ENTPD5: variants seen among roughly 807,000 people sequenced by gnomAD.
ENTPD5 encodes ectonucleoside triphosphate diphosphohydrolase 5 (inactive), also known as nucleoside diphosphate phosphatase ENTPD5.
ENTPD5 carries 49 observed loss-of-function variants against 60.2 expected under a neutral mutation model. The observed-to-expected ratio is 0.81, with a 90% CI of 0.65 to 1.03. ENTPD5 has a LOEUF of 1.03. ENTPD5 is among the 50% of genes least tolerant of loss of function. ENTPD5 has a pLI of 0.00. For synonymous variants in ENTPD5, 187 were observed against 185.4 expected (o/e 1.01, Z -0.07); for missense variants, 480 against 507.6 (o/e 0.95, Z 0.52).
chr14:74,012,704 A>G (rs1042840260), intron 2 of ENTPD5, among the ~76,000 whole-genome samples: 2 of 150,956 alleles, frequency 1.3e-5, no homozygotes, highest in African/African-American at 4.9e-5. Context: ...ATTCCCACCA[A>G]CTGCTACCAT....
At chr14:73,994,593 C>T (rs556276025) in intron 3 of ENTPD5, among the ~76,000 whole-genome samples, 5 of 151,900 alleles carry the variant, frequency 3.3e-5, no homozygotes, top group South Asian at 4.2e-4. Flanking sequence ...ATTAGCCAGG[C>T]GTGGTGGCAG....
chr14:73,976,119 G>T, intron 9 of ENTPD5, 104 bp from the exon 10 acceptor site: 1 of 1,000,272 alleles, frequency 1.0e-6, no homozygotes, highest in East Asian at 2.4e-5. Flanking sequence ...GATGAAGACA[G>T]ATTAAGGGGC....
chr14:73,987,728 C>A (rs1423389550), intron 4 of ENTPD5, among the ~76,000 whole-genome samples, 158 bp downstream of exon 4: 2 of 151,956 alleles, frequency 1.3e-5, no homozygotes, highest in African/African-American at 2.4e-5. Context: ...AATAAATAAA[C>A]CACATGTTCA....
At chr14:73,983,345 C>T (rs766550259) in intron 5 of ENTPD5, among the ~76,000 whole-genome samples, 184 bp from the exon 6 acceptor site, 6 of 152,048 alleles carry the variant, frequency 3.9e-5, no homozygotes, top group Non-Finnish European at 7.4e-5. Flanking sequence ...CCAGGCCAGG[C>T]GCAGTGGTGT....
downstream of ENTPD5, chr14:73,955,707 T>C: frequency 6.4e-7 from 1 of 1,571,728 alleles, no homozygotes. Flanking sequence ...TGACAAATTG[T>C]GATTTTCTGC....
At position 73,972,911 on chromosome 14, in the gene ENTPD5, C is replaced by A; in HGVS notation, c.1000G>T (p.Asp334Tyr). 2 of 1,614,154 alleles carry A rather than the reference C, an allele frequency of 1.2e-6. No homozygotes were observed. Among genetic ancestry groups the A allele is most frequent in the South Asian group, 2.2e-5 (2 of 91,044 alleles). Reference sequence around the variant, plus strand: ...ATCATGTCTGTGTCAACAGCTCGGTCATAATAGTAAGAGAAAGCATAGAAG... The same window carrying A: ...ATCATGTCTGTGTCAACAGCTCGGTAATAATAGTAAGAGAAAGCATAGAAG... Reference protein sequence around the residue: ...GSFYAFSYYYDRAVDTDMIDY... With the variant: ...GSFYAFSYYYYRAVDTDMIDY... Residue 334 changes from aspartate (D) to tyrosine (Y), a missense_variant, in exon 13 of 16, where the codon GAC becomes TAC. Transcript: ENST00000334696.
chr14:73,970,782 G>A (rs948004901), intron 14 of ENTPD5, among the ~76,000 whole-genome samples: 3 of 152,076 alleles, frequency 2.0e-5, no homozygotes, highest in Non-Finnish European at 2.9e-5. Context: ...TGGGCTACTC[G>A]ATAAGATCAT....
chr14:73,960,846 C>T, downstream of ENTPD5: 1 of 424,946 alleles, frequency 2.4e-6, no homozygotes, highest in Admixed American at 3.5e-5. Flanking sequence ...GCATTCTAAG[C>T]AGAGGAGAGT....
chr14:74,016,192 T>C (rs527877631), intron 1 of ENTPD5, among the ~76,000 whole-genome samples: 5 of 152,224 alleles, frequency 3.3e-5, no homozygotes, highest in Non-Finnish European at 7.3e-5. Flanking sequence ...TCCAGTTCTT[T>C]GGTAGAAAAT....
At chr14:73,967,867 A>G (rs2057053011) in intron 15 of ENTPD5, among the ~76,000 whole-genome samples, 2 of 151,694 alleles carry the variant, frequency 1.3e-5, no homozygotes, top group East Asian at 1.9e-4. Flanking sequence ...GCTCATGCCT[A>G]TAATTCTAGC....
At chr14:73,987,496 A>T (rs1240499218) in intron 4 of ENTPD5, among the ~76,000 whole-genome samples, 1 of 151,996 alleles carries the variant, frequency 6.6e-6, no homozygotes, top group Admixed American at 6.6e-5. Context: ...GGCCAGCCTG[A>T]GCAGGTCTCT....
intron 3 of ENTPD5, among the ~76,000 whole-genome samples, chr14:73,994,602 A>G (rs951264744): frequency 8.6e-4 from 131 of 151,872 alleles, no homozygotes; most frequent in African/African-American, 3.0e-3. Flanking sequence ...GCGTGGTGGC[A>G]GGCACCTGTA....
intron 8 of ENTPD5, among the ~76,000 whole-genome samples, 157 bp from the exon 9 acceptor site, chr14:73,976,569 T>A (rs1246075505): frequency 2.0e-5 from 3 of 152,124 alleles, no homozygotes; most frequent in African/African-American, 7.2e-5. Context: ...AGGACTCTTG[T>A]TGCAGCAGAG....
rs1158080625 is a variant in ENTPD5 at position 73,964,527 on chromosome 14, A to G, written c.*2401T>C. 6.6e-6 allele frequency: 1 copy of G among 152,198 alleles called. No homozygotes were observed. Among genetic ancestry groups the G allele is most frequent in the African/African-American group, 2.4e-5 (1 of 41,454 alleles). 9.4% of individuals were successfully genotyped at this position (152,198 alleles called of 1,614,324 possible). A position where few individuals can be genotyped will look rare whatever the true frequency, so the allele number is the denominator to read the frequency against. ...TGACCAAAGGAGTCTGCTGGACAGT[A>G]TGTGTGTTTTACAAAATGGCCCCCA... On this transcript the variant is annotated 3_prime_UTR_variant, in exon 16 of 16. Coordinates refer to ENST00000334696, the MANE Select transcript of ENTPD5 (RefSeq NM_001249.5).
At chr14:74,016,813 T>G (rs1262725028) in intron 1 of ENTPD5, among the ~76,000 whole-genome samples, 1 of 152,222 alleles carries the variant, frequency 6.6e-6, no homozygotes, top group Non-Finnish European at 1.5e-5. Flanking sequence ...AGTTACCAAT[T>G]TCTAGAATAA....
chr14:73,976,037 A>C (rs762508913), intron 9 of ENTPD5, 22 bp from the exon 10 acceptor site: 6 of 1,591,496 alleles, frequency 3.8e-6, no homozygotes, highest in Admixed American at 1.7e-5. Flanking sequence ...AAAAAGCAAA[A>C]AGACTATTCA....
chr14:74,011,110 G>C lies in ENTPD5; in HGVS notation c.-90C>G. 1.1e-6 allele frequency: 1 copy of C among 871,324 alleles called. No individual in the cohort carries two copies. The highest frequency in any genetic ancestry group is 1.4e-6 in the Non-Finnish European group (1 of 726,126). 54.0% of individuals were successfully genotyped at this position (871,324 alleles called of 1,614,324 possible). ...ACTTACCAATTTTTTCTTTCCTTCTGAATTTTCTCCTTGGTTCCTTTATTA... is the reference window on the plus strand; with the variant it reads ...ACTTACCAATTTTTTCTTTCCTTCTCAATTTTCTCCTTGGTTCCTTTATTA... On this transcript the variant is annotated 5_prime_UTR_variant, in exon 3 of 16. Coordinates refer to ENST00000334696, the MANE Select transcript of ENTPD5 (RefSeq NM_001249.5).
intron 3 of ENTPD5, among the ~76,000 whole-genome samples, chr14:73,992,365 C>G (rs1327451107): frequency 6.6e-6 from 1 of 152,118 alleles, no homozygotes; most frequent in Non-Finnish European, 1.5e-5. Flanking sequence ...ATGTCTCCCT[C>G]CCCACAGGTG....
chr14:73,975,605 T>C (rs1249742047), intron 10 of ENTPD5, among the ~76,000 whole-genome samples: 1 of 152,116 alleles, frequency 6.6e-6, no homozygotes, highest in Admixed American at 6.6e-5. Flanking sequence ...GGTTTCACCA[T>C]GTTTGCCAGG....
Sources: allele counts gnomAD v4.1 joint callset (sites outside exome capture counted in the v4.1 genomes callset), GRCh38; gene constraint gnomAD v4.1.1; transcripts MANE v1.5; gene names NCBI Gene and HGNC (gene_info 2026-07-23, HGNC 2026-07-21).